Variants in ZFHX3 observed in about 807,000 individuals in gnomAD.
ZFHX3 encodes the protein zinc finger homeobox 3, also known as zinc finger homeobox protein 3.
A neutral mutation model predicts 279.1 loss-of-function variants in ZFHX3; 42 were observed. That is an observed-to-expected ratio of 0.15 (90% confidence interval 0.12 to 0.19). ZFHX3 has a LOEUF of 0.19. Among genes scored for constraint, ZFHX3 ranks in the 10% least tolerant of loss-of-function variants. ZFHX3 has a pLI of 1.00. For missense variants in ZFHX3, 4,981 were observed against 4,754.0 expected (o/e 1.05, Z -1.40); for synonymous variants, 2,293 against 1,957.8 (o/e 1.17, Z -4.52).
chr16:73,335,163 T>C (rs1031252788), intron 3 of ZFHX3, among the ~76,000 whole-genome samples: 2 of 152,094 alleles, frequency 1.3e-5, no homozygotes, highest in Non-Finnish European at 2.9e-5. Context: ...ACGAAAAGGG[T>C]GCCAAACTGT....
intron 1 of ZFHX3, among the ~76,000 whole-genome samples, chr16:72,982,723 G>A (rs977211618): frequency 6.6e-6 from 1 of 152,286 alleles, no homozygotes; most frequent in African/African-American, 2.4e-5. Flanking sequence ...AGCACCAAGT[G>A]CTGAAGCAAG....
intron 1 of ZFHX3, among the ~76,000 whole-genome samples, chr16:73,860,391 T>A (rs1961850609): frequency 6.6e-6 from 1 of 151,038 alleles, no homozygotes; most frequent in African/African-American, 2.4e-5. Context: ...TCCCTTACTT[T>A]TTTTTTTTTT....
At chr16:73,608,170 A>T (rs983614343) in intron 2 of ZFHX3, among the ~76,000 whole-genome samples, 4 of 152,182 alleles carry the variant, frequency 2.6e-5, no homozygotes, top group Non-Finnish European at 5.9e-5. Flanking sequence ...AGGATTAGAG[A>T]TGGGCAGAAT....
At chr16:73,527,889 G>T (rs183836874) in intron 2 of ZFHX3, among the ~76,000 whole-genome samples, 2 of 152,342 alleles carry the variant, frequency 1.3e-5, no homozygotes, top group African/African-American at 4.8e-5. Flanking sequence ...AGAGACTTGA[G>T]TCAGAGGCAC....
chr16:73,745,047 A>G (rs1219934411), intron 1 of ZFHX3, among the ~76,000 whole-genome samples: 1 of 152,188 alleles, frequency 6.6e-6, no homozygotes. Flanking sequence ...TTTTTTGACA[A>G]CCTCTCAGAA....
At chr16:73,372,634 T>G (rs948886495) in intron 3 of ZFHX3, among the ~76,000 whole-genome samples, 3 of 152,326 alleles carry the variant, frequency 2.0e-5, no homozygotes, top group Non-Finnish European at 1.5e-5. Flanking sequence ...AAGGGAAATG[T>G]AAATTTCAGC....
At chr16:73,345,470 T>G (rs1205265650) in intron 3 of ZFHX3, among the ~76,000 whole-genome samples, 1 of 144,124 alleles carries the variant, frequency 6.9e-6, no homozygotes, top group Non-Finnish European at 1.5e-5. Context: ...CAGCTCCTAC[T>G]TATAAGTTAG....
intron 2 of ZFHX3, among the ~76,000 whole-genome samples, chr16:73,515,360 AG>A (rs1469586245): frequency 1.3e-5 from 2 of 152,148 alleles, no homozygotes; most frequent in East Asian, 3.9e-4. Context: ...GGGATCCCTT[AG>A]TCACAAAGAT....
intron 1 of ZFHX3, among the ~76,000 whole-genome samples, chr16:73,684,253 T>A (rs947605085): frequency 1.3e-5 from 2 of 152,148 alleles, no homozygotes; most frequent in African/African-American, 4.8e-5. Flanking sequence ...AATCTATGCA[T>A]TGTAGTTTTC....
intron 5 of ZFHX3, among the ~76,000 whole-genome samples, chr16:73,253,755 G>A (rs1483726902): frequency 6.6e-6 from 1 of 151,944 alleles, no homozygotes. Context: ...ACACCCAGCC[G>A]GTTCTACGAT....
At chr16:73,669,310 T>A (rs944780383) in intron 2 of ZFHX3, among the ~76,000 whole-genome samples, 4 of 152,202 alleles carry the variant, frequency 2.6e-5, no homozygotes, top group Admixed American at 1.3e-4. Context: ...CGCCTTGGCC[T>A]CCCAAAGTGC....
chr16:73,019,079 A>G (rs1048823164), intron 1 of ZFHX3, among the ~76,000 whole-genome samples: 1 of 152,182 alleles, frequency 6.6e-6, no homozygotes, highest in African/African-American at 2.4e-5. Context: ...ACAGCAAAAC[A>G]TCCGGCACCT....
At chr16:73,525,242 C>T (rs752796967) in intron 2 of ZFHX3, among the ~76,000 whole-genome samples, 5 of 152,156 alleles carry the variant, frequency 3.3e-5, no homozygotes, top group Admixed American at 6.5e-5. Flanking sequence ...ATCACTAAGT[C>T]ATGTCTACAT....
chr16:73,303,963 G>GGAAAAAAAAAA (rs781722281), intron 4 of ZFHX3, among the ~76,000 whole-genome samples: 2 of 76,118 alleles, frequency 2.6e-5, no homozygotes, highest in Non-Finnish European at 2.7e-5. Context: ...ACCCTAGGTG[G>GGAAAAAAAAAA]AAAAAAAAAA....
chr16:72,805,813 A>G lies in ZFHX3; in HGVS notation c.3865-5684T>C, dbSNP rs557532965. Among the ~76,000 whole-genome samples the G allele has an allele frequency of 2.0e-5, 3 of 152,252 alleles. No homozygotes were observed. In the South Asian group the frequency reaches 6.2e-4, roughly 32 times the overall value. On this transcript the variant is annotated intron_variant, in intron 7 of 9. Transcript: ENST00000268489. ...CCCACCCCACTTTACAGTCTTCTAC[A>G]TATGCCAGGGAGAATACTGGGCCAT...
chr16:72,814,609 CTTT>C (rs11295655), intron 5 of ZFHX3, among the ~76,000 whole-genome samples: 1 of 142,616 alleles, frequency 7.0e-6, no homozygotes. Context: ...AGGGGAACTT[CTTT>C]TTTTTTTTTT....
At chr16:72,918,148 G>A (rs2039487755) in intron 3 of ZFHX3, among the ~76,000 whole-genome samples, 1 of 152,154 alleles carries the variant, frequency 6.6e-6, no homozygotes, top group African/African-American at 2.4e-5. Context: ...ACACGAGTGA[G>A]GCCTCGCCAA....
intron 1 of ZFHX3, among the ~76,000 whole-genome samples, chr16:73,851,430 G>A (rs1171543927): frequency 6.6e-6 from 1 of 152,190 alleles, no homozygotes; most frequent in Non-Finnish European, 1.5e-5. Flanking sequence ...CCGACTTGAA[G>A]TCAAATTTTA....
chr16:73,438,042 GAT>G (rs999157200), intron 3 of ZFHX3, among the ~76,000 whole-genome samples: 2 of 151,838 alleles, frequency 1.3e-5, no homozygotes, highest in African/African-American at 4.8e-5. Context: ...AATAGAGTTT[GAT>G]TTGAAAGTCA....
Sources: gnomAD v4.1 joint callset for allele counts (sites outside exome capture counted in the v4.1 genomes callset) on GRCh38, gnomAD v4.1.1 for gene constraint, MANE v1.5 for transcripts, NCBI Gene and HGNC (gene_info 2026-07-23, HGNC 2026-07-21) for gene names.